The following ELP4 variants were observed in gnomAD, a reference collection of about 807,000 sequenced individuals.
ELP4 encodes elongator complex protein 4.
A neutral mutation model predicts 48.9 loss-of-function variants in ELP4; 51 were observed. The ratio of observed to expected loss-of-function variants is 1.04; its 90% CI spans 0.83 to 1.32. The LOEUF (loss-of-function observed/expected upper bound fraction) is 1.32, where lower values mean the gene tolerates loss of function less well. Ranked by LOEUF, ELP4 falls within the 40% of genes most tolerant of loss-of-function variation. ELP4 has a pLI of 0.00. For synonymous variants in ELP4, 210 were observed against 189.2 expected (o/e 1.11, Z -0.90); for missense variants, 519 against 514.6 (o/e 1.01, Z -0.08).
At chr11:31,744,444 G>C (rs1306668705) in intron 9 of ELP4, among the ~76,000 whole-genome samples, 1 of 151,952 alleles carries the variant, frequency 6.6e-6, no homozygotes, top group Non-Finnish European at 1.5e-5. Context: ...AACAAAAAAA[G>C]AATTTTGACC....
chr11:31,666,691 CAAA>C (rs11285658), intron 9 of ELP4, among the ~76,000 whole-genome samples: 12 of 104,878 alleles, frequency 1.1e-4, no homozygotes, highest in Non-Finnish European at 1.6e-4. Context: ...GATTCTGTCT[CAAA>C]AAAAAAAAAA....
intron 5 of ELP4, among the ~76,000 whole-genome samples, chr11:31,610,376 A>C (rs1957955795): frequency 2.0e-5 from 3 of 151,916 alleles, no homozygotes; most frequent in Non-Finnish European, 4.4e-5. Flanking sequence ...TTCAACTTTT[A>C]TTTTAGATTC....
chr11:31,529,573 C>A (rs1005848557), intron 2 of ELP4, among the ~76,000 whole-genome samples: 1 of 152,162 alleles, frequency 6.6e-6, no homozygotes, highest in African/African-American at 2.4e-5. Flanking sequence ...ACCTCTAGAA[C>A]CTGCAAGCCC....
intron 1 of ELP4, among the ~76,000 whole-genome samples, chr11:31,514,748 G>A (rs1956075687): frequency 6.6e-6 from 1 of 152,090 alleles, no homozygotes; most frequent in African/African-American, 2.4e-5. Context: ...TAAATTAAAA[G>A]CCAGCCTTCA....
chr11:31,596,403 C>CA (rs1957672234), intron 4 of ELP4, among the ~76,000 whole-genome samples: 1 of 152,006 alleles, frequency 6.6e-6, no homozygotes, highest in Non-Finnish European at 1.5e-5. Context: ...GACTCCGTCT[C>CA]AAAAAACATG....
At chr11:31,758,929 T>A (rs1947887900) in intron 9 of ELP4, among the ~76,000 whole-genome samples, 1 of 152,076 alleles carries the variant, frequency 6.6e-6, no homozygotes, top group South Asian at 2.1e-4. Context: ...AGCCAGAAGT[T>A]TTTAATAGAA....
chr11:31,552,229 A>C (rs147427203), intron 3 of ELP4, among the ~76,000 whole-genome samples: 18 of 152,188 alleles, frequency 1.2e-4, no homozygotes, highest in African/African-American at 3.9e-4. Context: ...TCAAACTTTT[A>C]ATAGACGTGT....
intron 8 of ELP4, 197 bp from the exon 9 acceptor site, chr11:31,649,918 T>A (rs531491664): frequency 2.8e-5 from 11 of 394,916 alleles, no homozygotes; most frequent in African/African-American, 1.5e-4. Context: ...CGCACAAGGA[T>A]TTCTGTTTAT....
chr11:31,705,239 C>A (rs1398048011), intron 9 of ELP4, among the ~76,000 whole-genome samples: 1 of 152,090 alleles, frequency 6.6e-6, no homozygotes, highest in African/African-American at 2.4e-5. Context: ...TGGCAGAGAA[C>A]ACCACATGGT....
At chr11:31,545,751 A>T (rs894214337) in intron 3 of ELP4, among the ~76,000 whole-genome samples, 6 of 152,298 alleles carry the variant, frequency 3.9e-5, no homozygotes, top group Non-Finnish European at 7.4e-5. Flanking sequence ...CGGGTTACCC[A>T]CAAAGGGAAG....
At chr11:31,558,285 C>A (rs1434801236) in intron 3 of ELP4, among the ~76,000 whole-genome samples, 1 of 152,058 alleles carries the variant, frequency 6.6e-6, no homozygotes, top group Middle Eastern at 3.4e-3. Context: ...CAGTGACCTA[C>A]ATTTCTAGCC....
chr11:31,551,720 C>T (rs1956855698), intron 3 of ELP4, among the ~76,000 whole-genome samples: 1 of 152,028 alleles, frequency 6.6e-6, no homozygotes, highest in Non-Finnish European at 1.5e-5. Flanking sequence ...CTGAATAAAG[C>T]TATTTCTAAG....
chr11:31,620,901 A>G (rs777105799), intron 5 of ELP4, among the ~76,000 whole-genome samples: 3 of 151,810 alleles, frequency 2.0e-5, no homozygotes, highest in Non-Finnish European at 4.4e-5. Flanking sequence ...CCTACACTTT[A>G]TATGTTCTTA....
intron 2 of ELP4, 138 bp downstream of exon 2, chr11:31,520,229 T>C (rs1242277683): frequency 4.5e-6 from 3 of 671,932 alleles, no homozygotes; most frequent in Non-Finnish European, 7.1e-6. Context: ...GGAATTGACT[T>C]AAGTTCTATT....
intron 7 of ELP4, among the ~76,000 whole-genome samples, chr11:31,644,430 C>T (rs1005013592): frequency 2.0e-5 from 3 of 151,740 alleles, no homozygotes; most frequent in South Asian, 4.1e-4. Context: ...AGGGGTTTTA[C>T]ATCTTGGTGA....
intron 9 of ELP4, among the ~76,000 whole-genome samples, chr11:31,720,666 A>C (rs1946941594): frequency 6.6e-6 from 1 of 152,194 alleles, no homozygotes; most frequent in South Asian, 2.1e-4. Context: ...AATTGAGGTT[A>C]TTCCAACCAA....
chr11:31,567,365 G>T (rs1957130086), intron 3 of ELP4, among the ~76,000 whole-genome samples: 1 of 152,134 alleles, frequency 6.6e-6, no homozygotes, highest in South Asian at 2.1e-4. Flanking sequence ...ATCCTAAAAA[G>T]CCAGGATTTT....
intron 9 of ELP4, among the ~76,000 whole-genome samples, chr11:31,737,472 A>G (rs986780472): frequency 5.9e-5 from 9 of 151,770 alleles, no homozygotes; most frequent in Non-Finnish European, 8.8e-5. Context: ...GTATAATAAT[A>G]ATAAAATAAA....
chr11:31,572,516 T>A (rs1026452396), intron 3 of ELP4, among the ~76,000 whole-genome samples: 1 of 152,156 alleles, frequency 6.6e-6, no homozygotes, highest in African/African-American at 2.4e-5. Context: ...GGCCTTTCAT[T>A]TTCATTTGCT....
Sources: allele counts gnomAD v4.1 joint callset (sites outside exome capture counted in the v4.1 genomes callset), GRCh38; gene constraint gnomAD v4.1.1; transcripts MANE v1.5; gene names NCBI Gene and HGNC (gene_info 2026-07-23, HGNC 2026-07-21).